Variants in HLF observed in about 807,000 individuals in gnomAD.
HLF encodes HLF transcription factor, PAR bZIP family member, also known as hepatic leukemia factor.
HLF carries 3 observed loss-of-function variants against 22.6 expected under a neutral mutation model. The observed-to-expected ratio is 0.13, with a 90% CI of 0.06 to 0.34. The LOEUF (loss-of-function observed/expected upper bound fraction) is 0.34, where lower values mean the gene tolerates loss of function less well. HLF is among the 10% of genes least tolerant of loss of function. The probability of loss-of-function intolerance (pLI) is 1.00; values close to 1 mark genes in which losing one functional copy is unlikely to be tolerated. For missense variants in HLF, 299 were observed against 389.2 expected, an observed-to-expected ratio of 0.77 and a Z score of 1.95; for synonymous variants, 151 against 151.8, an observed-to-expected ratio of 0.99 and a Z score of 0.04.
chr17:55,308,379 A>C (rs181723499), intron 2 of HLF, among the ~76,000 whole-genome samples: 179 of 152,340 alleles, frequency 1.2e-3, no homozygotes, highest in African/African-American at 4.1e-3. Flanking sequence ...CGGGTACTAC[A>C]GATTGTGCTA....
At chr17:55,265,696 T>C in intron 1 of HLF, 97 bp downstream of exon 1, 6 of 1,059,854 alleles carry the variant, frequency 5.7e-6, no homozygotes, top group Non-Finnish European at 6.4e-6. Context: ...CCAACCCCGC[T>C]CCCGCCCTGT....
At chr17:55,295,419 T>C (rs989804649) in intron 2 of HLF, among the ~76,000 whole-genome samples, 2 of 152,006 alleles carry the variant, frequency 1.3e-5, no homozygotes, top group African/African-American at 4.8e-5. Context: ...AAACAGAAAA[T>C]TTAAAACGTT....
At chr17:55,270,669 T>C (rs2080843790) in intron 2 of HLF, among the ~76,000 whole-genome samples, 1 of 149,028 alleles carries the variant, frequency 6.7e-6, no homozygotes, top group South Asian at 2.2e-4. Flanking sequence ...TTTTTTTTTT[T>C]TTTTTTTTTG....
intron 2 of HLF, among the ~76,000 whole-genome samples, chr17:55,294,429 C>T (rs1345149033): frequency 6.6e-6 from 1 of 152,228 alleles, no homozygotes; most frequent in African/African-American, 2.4e-5. Flanking sequence ...TGTTCACCTC[C>T]ATGTGCTTTT....
chr17:55,265,848 C>A, intron 1 of HLF: 1 of 1,259,042 alleles, frequency 7.9e-7, no homozygotes, highest in South Asian at 2.5e-5. Flanking sequence ...CTCCCTGGGT[C>A]CCGCTCCTGC....
intron 2 of HLF, chr17:55,273,620 A>G (rs1410007793): frequency 6.6e-6 from 1 of 152,212 alleles, no homozygotes; most frequent in South Asian, 2.1e-4. Context: ...GGAAACAGCC[A>G]CTGTCTGGGT....
chr17:55,295,503 G>A (rs1055974467), intron 2 of HLF, among the ~76,000 whole-genome samples: 3 of 152,244 alleles, frequency 2.0e-5, no homozygotes, highest in Admixed American at 6.5e-5. Flanking sequence ...CGCCTGGCAA[G>A]GGACCTGCGG....
intron 2 of HLF, among the ~76,000 whole-genome samples, chr17:55,302,725 A>G (rs1904354939): frequency 6.6e-6 from 1 of 152,162 alleles, no homozygotes; most frequent in Admixed American, 6.5e-5. Context: ...GTTTCAAATA[A>G]CTAGGCCTGC....
intron 1 of HLF, 83 bp downstream of exon 1, chr17:55,265,682 T>C: frequency 8.7e-7 from 1 of 1,150,882 alleles, no homozygotes; most frequent in Admixed American, 2.4e-5. Context: ...CGCTGGAGCA[T>C]CCCCCAACCC....
chr17:55,313,371 T>TGTGTGTGC (rs1239298037), intron 2 of HLF, among the ~76,000 whole-genome samples: 13 of 151,754 alleles, frequency 8.6e-5, no homozygotes, highest in African/African-American at 3.2e-4. Flanking sequence ...TGTGTGTGTG[T>TGTGTGTGC]GTGTGTGTGT....
chr17:55,265,707 C>CTGCACTGGAAA, intron 1 of HLF, 108 bp downstream of exon 1: 1 of 1,072,642 alleles, frequency 9.3e-7, no homozygotes. Context: ...CCCGCCCTGT[C>CTGCACTGGAAA]CCGCGGCGCC....
rs145487474 is a variant in HLF at position 55,281,531 on chromosome 17, C to G, written c.451+13445C>G. ...TCCATCTCAAACAAAACAAACAAAA[C>G]AAAAAATATCTCTGAGTCTGTCTCC... On this transcript the variant is annotated intron_variant, in intron 2 of 3. Coordinates refer to ENST00000226067, the MANE Select transcript of HLF (RefSeq NM_002126.5). Among the ~76,000 whole-genome samples, 11 of 152,110 alleles carry G rather than the reference C, an allele frequency of 7.2e-5. No homozygotes were observed. The East Asian group carries it at 2.1e-3, about 29-fold the overall frequency.
Position 55,274,517 on chromosome 17 carries a change from T to C in HLF, c.451+6431T>C, listed in dbSNP as rs117889456. Among the ~76,000 whole-genome samples the C allele has an allele frequency of 7.9e-4, 120 of 152,342 alleles. 4 individuals are homozygous for C. In the East Asian group the frequency reaches 0.02, roughly 25 times the overall value. ...AGACTTAGGTGCCTCTGTCTCACCA[T>C]GCACAATGTCTGTCAGAATGTCCTG... On this transcript the variant is annotated intron_variant, in intron 2 of 3. Coordinates refer to ENST00000226067, the MANE Select transcript of HLF (RefSeq NM_002126.5).
intron 2 of HLF, among the ~76,000 whole-genome samples, chr17:55,268,363 C>T (rs1321560349): frequency 2.0e-5 from 3 of 152,164 alleles, no homozygotes; most frequent in African/African-American, 7.2e-5. Context: ...GCATTTTAAC[C>T]AGCTCCCCCA....
chr17:55,280,585 G>C (rs1342013810), intron 2 of HLF, among the ~76,000 whole-genome samples: 1 of 152,158 alleles, frequency 6.6e-6, no homozygotes, highest in Non-Finnish European at 1.5e-5. Flanking sequence ...TGCCAGATTT[G>C]TGTTTTAGGT....
intron 2 of HLF, among the ~76,000 whole-genome samples, chr17:55,300,376 T>C (rs1379637922): frequency 1.3e-5 from 2 of 152,190 alleles, no homozygotes; most frequent in Non-Finnish European, 2.9e-5. Context: ...TTGGTTTTCT[T>C]GTTCTGTGTG....
intron 3 of HLF, among the ~76,000 whole-genome samples, chr17:55,316,077 C>T (rs1027893374): frequency 2.6e-5 from 4 of 152,114 alleles, no homozygotes; most frequent in African/African-American, 9.7e-5. Flanking sequence ...TGAAGGGACA[C>T]CTTATTTATA....
rs553146435 is a variant in HLF, at chr17:55,320,350, A to G, written c.673-314A>G. ...TGAGCAGGGAGAGTAAAGAAAGTTG[A>G]AATGTAATTTAAGGGTGAGGTGAGC... On this transcript the variant is annotated intron_variant, in intron 3 of 3. Transcript: ENST00000226067. The surrounding 1 kb of genome is among the most constrained non-coding windows in gnomAD (Gnocchi z 4.2). 6.6e-6 allele frequency among the ~76,000 whole-genome samples: 1 copy of G among 152,358 alleles called. No homozygotes were observed. Among genetic ancestry groups the G allele is most frequent in the East Asian group, 1.9e-4 (1 of 5,182 alleles).
chr17:55,301,266 A>C (rs1317343705), intron 2 of HLF, among the ~76,000 whole-genome samples: 1 of 152,250 alleles, frequency 6.6e-6, no homozygotes, highest in Non-Finnish European at 1.5e-5. Context: ...TCCAGACTGC[A>C]TGCTTTTAAA....
Sources: allele counts gnomAD v4.1 joint callset (sites outside exome capture counted in the v4.1 genomes callset), GRCh38; gene constraint gnomAD v4.1.1; non-coding constraint Gnocchi (gnomAD v3.1); transcripts MANE v1.5; gene names NCBI Gene and HGNC (gene_info 2026-07-23, HGNC 2026-07-21).